Variants in SDF4 observed in about 807,000 individuals in gnomAD.
The protein encoded by SDF4 is 45 kDa calcium-binding protein.
Under a neutral mutation model 34.2 loss-of-function variants are expected in SDF4, and 22 were observed. That is an observed-to-expected ratio of 0.64 (90% CI 0.46 to 0.92). The LOEUF (loss-of-function observed/expected upper bound fraction) is 0.92. SDF4 is among the 40% of genes least tolerant of loss of function. The pLI is 0.00. For synonymous variants in SDF4, 236 were observed against 203.1 expected (o/e 1.16, Z -1.38); for missense variants, 447 against 499.9 (o/e 0.89, Z 1.01).
rs771324123 is a variant in SDF4 at position 1,223,188 on chromosome 1, C to A, written c.556+56G>T. 4 of 1,182,558 alleles carry A rather than the reference C, an allele frequency of 3.4e-6. No individual in the cohort carries two copies. The African/African-American group carries it at 6.0e-5, about 18-fold the overall frequency. The allele number at this position is 1,182,558 out of a possible 1,614,324, so 73.3% of individuals were successfully genotyped here. A position where few individuals can be genotyped will look rare whatever the true frequency, so the allele number is the denominator to read the frequency against. On this transcript the variant is annotated intron_variant, in intron 4 of 6. Transcript: ENST00000360001. The stretch of plus-strand genomic sequence containing the variant: ...GGCACACTCATGTACACACAACACA[C>A]GCGCGCACACACAGGATGCCTGAGA...
rs1205073317 is a variant in SDF4, at chr1:1,230,731, C to G, written c.-175+1161G>C. Reference sequence around the variant, plus strand: ...GCCTCGGCCTCCCAAAGTGCTGGGACTATAGGCGTGAGCCATGCACCCGGC... The same window carrying G: ...GCCTCGGCCTCCCAAAGTGCTGGGAGTATAGGCGTGAGCCATGCACCCGGC... On this transcript the variant is annotated intron_variant, in intron 1 of 6. Transcript: ENST00000360001. 2.0e-5 allele frequency among the ~76,000 whole-genome samples: 3 copies of G among 152,202 alleles called. No homozygotes were observed. In the East Asian group the frequency reaches 5.8e-4, roughly 29 times the overall value.
chr1:1,217,589 C>T lies in SDF4; in HGVS notation c.991G>A (p.Glu331Lys), dbSNP rs1265981392. ...AAGAACTCGCTGTACTTGAGCACCT[C>T]CTCGGGCTCCAGGTGGTGGTTCTGG... ...ENQNHHLEPE[E>K]VLKYSEFFTG... Residue 331 changes from glutamate (E) to lysine (K), a missense_variant, in exon 7 of 7, where the codon GAG (glutamate) becomes AAG (lysine). Coordinates refer to ENST00000360001, the MANE Select transcript of SDF4 (RefSeq NM_016176.6). The surrounding 1 kb of genome is among the most constrained non-coding windows in gnomAD (Gnocchi z 8.5). 6.2e-7 allele frequency: 1 copy of T among 1,613,694 alleles called. No homozygotes were observed. The highest frequency in any genetic ancestry group is 8.5e-7 in the Non-Finnish European group (1 of 1,179,930).
At chr1:1,219,518 T>C (rs1264109697) in intron 4 of SDF4, 5 of 992,774 alleles carry the variant, frequency 5.0e-6, no homozygotes, top group Non-Finnish European at 6.0e-6. Flanking sequence ...TTCCTTCACG[T>C]GTGACGTCAC....
At chr1:1,230,602 A>G (rs1209554592) in intron 1 of SDF4, among the ~76,000 whole-genome samples, 1 of 152,042 alleles carries the variant, frequency 6.6e-6, no homozygotes, top group Non-Finnish European at 1.5e-5. Flanking sequence ...CTGGGATTAC[A>G]GGCACCCACC....
rs565420629 is a variant in SDF4, at chr1:1,219,678, C to T, written c.557-751G>A. 231 of 986,378 alleles carry T rather than the reference C, an allele frequency of 2.3e-4. No individual in the cohort carries two copies. The South Asian group carries it at 3.2e-3, about 14-fold the overall frequency. The allele number at this position is 986,378 out of a possible 1,614,324, so 61.1% of individuals were successfully genotyped here. A position where few individuals can be genotyped will look rare whatever the true frequency, so the allele number is the denominator to read the frequency against. On this transcript the variant is annotated intron_variant, in intron 4 of 6. Transcript: ENST00000360001. ...ACCCGGCCCCAACGGGCCCTCACCC[C>T]GAGGTCCCCACACATCCCAAGGACC...
At chr1:1,231,526 G>C (rs756775152) in intron 1 of SDF4, among the ~76,000 whole-genome samples, 1 of 152,238 alleles carries the variant, frequency 6.6e-6, no homozygotes, top group East Asian at 1.9e-4. Flanking sequence ...GGGTCCACGC[G>C]GTTCAGAAGC....
chr1:1,222,057 G>A (rs1393526612), intron 4 of SDF4, among the ~76,000 whole-genome samples: 1 of 152,252 alleles, frequency 6.6e-6, no homozygotes, highest in Non-Finnish European at 1.5e-5. Flanking sequence ...CACCCAGCCT[G>A]CCAGGAGCAG....
At chr1:1,219,638 T>C in intron 4 of SDF4, 1 of 985,668 alleles carries the variant, frequency 1.0e-6, no homozygotes, top group Non-Finnish European at 1.2e-6. Flanking sequence ...TGGCCCCCGC[T>C]CTCCTGCCGT....
intron 2 of SDF4, 85 bp downstream of exon 2, chr1:1,228,383 C>T (rs190738560): frequency 2.9e-6 from 4 of 1,401,776 alleles, no homozygotes; most frequent in African/African-American, 1.4e-5. Flanking sequence ...GGGCCCGGCG[C>T]CCCCCACCGC....
intron 2 of SDF4, 121 bp from the exon 3 acceptor site, chr1:1,224,089 G>C: frequency 6.6e-7 from 1 of 1,514,820 alleles, no homozygotes; most frequent in Non-Finnish European, 8.8e-7. Context: ...ACAGCGACAG[G>C]CTCCACCAGG....
At chr1:1,221,772 C>T (rs1208640232) in intron 4 of SDF4, among the ~76,000 whole-genome samples, 4 of 152,304 alleles carry the variant, frequency 2.6e-5, no homozygotes, top group African/African-American at 9.6e-5. Flanking sequence ...ACCAACCCGG[C>T]CAACACGGCA....
At chr1:1,229,006 C>T (rs750676217) in intron 1 of SDF4, 60 bp from the exon 2 acceptor site, 1 of 580,578 alleles carries the variant, frequency 1.7e-6, no homozygotes, top group Non-Finnish European at 3.1e-6. Context: ...CCAAGCACGT[C>T]TATCCTGCAA....
Position 1,218,590 on chromosome 1 carries a change from G to A in SDF4, c.759C>T (p.Ser253=). The part of the protein sequence containing the change: ...DKQLSVPEFI[S]LPVGTVENQQ... ...GGTTCTCCACGGTGCCCACGGGCAG[G>A]GAGATGAACTCGGGCACAGAGAGCT... The change falls in exon 6 of 7, where the codon TCC becomes TCT. Residue 253 remains serine, a synonymous_variant. Coordinates refer to ENST00000360001, the MANE Select transcript of SDF4 (RefSeq NM_016176.6). The surrounding 1 kb of genome is among the most constrained non-coding windows in gnomAD (Gnocchi z 7.9). 6.2e-7 allele frequency: 1 copy of A among 1,614,078 alleles called. No homozygotes were observed. The highest frequency in any genetic ancestry group is 8.5e-7 in the Non-Finnish European group (1 of 1,179,948).
At position 1,218,825 on chromosome 1, in the gene SDF4, G is replaced by A. The variant is rs1276934871; in HGVS notation, c.659C>T (p.Pro220Leu). ...TEEEFLSFLH[P>L]EHSRGMLRFM... Reference sequence around the variant, plus strand: ...CCTGAGCATTCCCCGGCTGTGCTCGGGGTGGAGGAACGACAGGAACTCCTC... The same window carrying A: ...CCTGAGCATTCCCCGGCTGTGCTCGAGGTGGAGGAACGACAGGAACTCCTC... Residue 220 changes from proline to leucine, a missense_variant, in exon 5 of 7, where the codon CCC becomes CTC. Coordinates refer to ENST00000360001, the MANE Select transcript of SDF4 (RefSeq NM_016176.6). The surrounding 1 kb of genome is among the most constrained non-coding windows in gnomAD (Gnocchi z 7.9). 2 of 1,604,314 alleles carry A rather than the reference G, an allele frequency of 1.2e-6. No homozygotes were observed. The highest frequency in any genetic ancestry group is 1.7e-5 in the Admixed American group (1 of 59,572).
intron 4 of SDF4, 57 bp downstream of exon 4, chr1:1,223,187 A>G (rs200420725): frequency 2.5e-5 from 29 of 1,166,970 alleles, no homozygotes; most frequent in Non-Finnish European, 3.1e-5. Flanking sequence ...CACACAACAC[A>G]CGCGCGCACA....
intron 1 of SDF4, among the ~76,000 whole-genome samples, chr1:1,229,465 G>A (rs1420699085): frequency 1.3e-5 from 2 of 152,214 alleles, no homozygotes; most frequent in Non-Finnish European, 2.9e-5. Context: ...TCTTGCCTCA[G>A]TCTCCCAACG....
At chr1:1,222,011 A>T (rs1277624776) in intron 4 of SDF4, among the ~76,000 whole-genome samples, 2 of 152,192 alleles carry the variant, frequency 1.3e-5, no homozygotes, top group Admixed American at 1.3e-4. Flanking sequence ...TGTTACTGAT[A>T]AGTTAAGCAG....
intron 1 of SDF4, among the ~76,000 whole-genome samples, chr1:1,231,462 CA>C (rs1233749407): frequency 3.9e-5 from 6 of 152,368 alleles, no homozygotes; most frequent in African/African-American, 1.4e-4. Flanking sequence ...AGCCAGACAT[CA>C]AGGGCTCCAC....
chr1:1,219,240 C>T (rs1649755196), intron 4 of SDF4: 1 of 1,193,198 alleles, frequency 8.4e-7, no homozygotes, highest in East Asian at 5.4e-5. Context: ...CATGGATGGC[C>T]CTGACTCCCC....
Sources: gnomAD v4.1 joint callset for allele counts (sites outside exome capture counted in the v4.1 genomes callset) on GRCh38, gnomAD v4.1.1 for gene constraint, Gnocchi (gnomAD v3.1) non-coding constraint, MANE v1.5 for transcripts, NCBI Gene and HGNC (gene_info 2026-07-23, HGNC 2026-07-21) for gene names.